The following LPP variants were observed in gnomAD, a reference collection of about 807,000 sequenced individuals.
LPP encodes the protein lipoma-preferred partner.
A neutral mutation model predicts 60.4 loss-of-function variants in LPP; 38 were observed. The ratio of observed to expected loss-of-function variants is 0.63; its 90% CI spans 0.49 to 0.83. LPP has a LOEUF of 0.83. LPP is among the 40% of genes least tolerant of loss of function. The probability of loss-of-function intolerance (pLI) is 0.00; values close to 1 mark genes in which losing one functional copy is unlikely to be tolerated. For synonymous variants in LPP, 328 were observed against 290.8 expected (o/e 1.13, Z -1.30); for missense variants, 902 against 783.6 (o/e 1.15, Z -1.80).
In LPP at chr3:188,414,862, T is replaced by G. The variant is rs1785770240; in HGVS notation, c.193+8549T>G. ...GCCAAGCCATGATCCTGGGGATTCCTTCTCTGGTTGCCATAGACACGTTTT... is the reference window on the plus strand; with the variant it reads ...GCCAAGCCATGATCCTGGGGATTCCGTCTCTGGTTGCCATAGACACGTTTT... On this transcript the variant is annotated intron_variant, in intron 4 of 11. Transcript: ENST00000617246. Among the ~76,000 whole-genome samples, 4 of 152,284 alleles carry G rather than the reference T, an allele frequency of 2.6e-5. No homozygotes were observed. In the South Asian group the frequency reaches 8.3e-4, roughly 32 times the overall value.
chr3:188,538,627 T>C (rs1290225619), intron 6 of LPP, among the ~76,000 whole-genome samples: 1 of 152,220 alleles, frequency 6.6e-6, no homozygotes, highest in Non-Finnish European at 1.5e-5. Flanking sequence ...AATCTGTCAA[T>C]TCTTCAAAAT....
intron 7 of LPP, among the ~76,000 whole-genome samples, chr3:188,687,387 C>T (rs1861014077): frequency 1.3e-5 from 2 of 152,138 alleles, no homozygotes; most frequent in Non-Finnish European, 2.9e-5. Context: ...GAATTGTGAT[C>T]CCCACATGTC....
intron 7 of LPP, among the ~76,000 whole-genome samples, chr3:188,613,197 G>C (rs1408736479): frequency 6.7e-6 from 1 of 148,794 alleles, no homozygotes; most frequent in African/African-American, 2.4e-5. Context: ...GCTAATGTCA[G>C]CTACATCTTG....
chr3:188,804,732 T>C (rs1748554914), intron 9 of LPP, among the ~76,000 whole-genome samples: 2 of 152,098 alleles, frequency 1.3e-5, no homozygotes, highest in Admixed American at 6.5e-5. Flanking sequence ...TTCAGTTAGT[T>C]GTTGAATGGA....
intron 2 of LPP, among the ~76,000 whole-genome samples, chr3:188,328,835 T>G (rs953229213): frequency 6.6e-6 from 1 of 152,228 alleles, no homozygotes; most frequent in African/African-American, 2.4e-5. Flanking sequence ...TTTTATGTGA[T>G]CAGGTTTCTT....
chr3:188,518,569 T>C (rs943405818), intron 5 of LPP, among the ~76,000 whole-genome samples: 2 of 152,162 alleles, frequency 1.3e-5, no homozygotes, highest in African/African-American at 2.4e-5. Flanking sequence ...TGAAGCACAG[T>C]TGAAAAAAAT....
At chr3:188,625,352 G>A (rs1287192916) in intron 7 of LPP, among the ~76,000 whole-genome samples, 2 of 152,080 alleles carry the variant, frequency 1.3e-5, no homozygotes, top group African/African-American at 4.8e-5. Context: ...AAAACCTCTG[G>A]TATTGGGATA....
intron 9 of LPP, among the ~76,000 whole-genome samples, chr3:188,765,859 C>CTTTTTTTTTTTTTTTTTTTTT (rs1491383044): frequency 1.0e-5 from 1 of 96,070 alleles, no homozygotes; most frequent in African/African-American, 4.0e-5. Context: ...TAATGTTCAA[C>CTTTTTTTTTTTTTTTTTTTTT]TCTTTTTTTT....
At chr3:188,694,648 G>A (rs115267047) in intron 7 of LPP, among the ~76,000 whole-genome samples, 1,635 of 151,470 alleles carry the variant, frequency 0.011, 29 homozygotes, top group African/African-American at 0.038. Flanking sequence ...GTTGCGGTGA[G>A]CCGAGATGTT....
Position 188,866,153 on chromosome 3 carries a change from G to A in LPP, c.1411-47G>A, listed in dbSNP as rs749145851. The A allele has an allele frequency of 1.1e-5, 15 of 1,398,012 alleles. No individual in the cohort carries two copies. The East Asian group carries it at 4.0e-4, about 37-fold the overall frequency. The allele number at this position is 1,398,012 out of a possible 1,614,324, so 86.6% of individuals were successfully genotyped here. ...GTAAAGATGCCTGTCATGCAGTATG[G>A]ACCCCCTTCTGTCCCAGTCTGACGT... On this transcript the variant is annotated intron_variant, in intron 9 of 11. Coordinates refer to ENST00000617246, the MANE Select transcript of LPP (RefSeq NM_001375462.1).
intron 9 of LPP, among the ~76,000 whole-genome samples, chr3:188,795,399 T>C (rs1745036097): frequency 6.6e-6 from 1 of 152,180 alleles, no homozygotes; most frequent in Non-Finnish European, 1.5e-5. Flanking sequence ...AGAGACTCTG[T>C]CTTATTCCAT....
chr3:188,617,558 C>G (rs1441587131), intron 7 of LPP, among the ~76,000 whole-genome samples: 1 of 152,178 alleles, frequency 6.6e-6, no homozygotes, highest in Non-Finnish European at 1.5e-5. Flanking sequence ...TGTGAAAACA[C>G]TCGTTCATGG....
rs138219646 is a variant in LPP, at chr3:188,576,839, G to A, written c.430-32322G>A. On this transcript the variant is annotated intron_variant, in intron 6 of 11. Transcript: ENST00000617246. ...ATTTCCAGAAGTCACAGTTCAAAAC[G>A]ATGAAGAGAATTACACATTTTCAGA... Among the ~76,000 whole-genome samples, 88 of 152,280 alleles carry A rather than the reference G, an allele frequency of 5.8e-4. 1 individual carries two copies. The East Asian group carries it at 0.016, about 28-fold the overall frequency.
chr3:188,328,014 G>T (rs764289160), intron 2 of LPP, among the ~76,000 whole-genome samples: 1 of 152,122 alleles, frequency 6.6e-6, no homozygotes, highest in Non-Finnish European at 1.5e-5. Context: ...CATTTAATTT[G>T]TTGTGAAATA....
intron 1 of LPP, among the ~76,000 whole-genome samples, chr3:188,170,295 T>C (rs1219612286): frequency 1.3e-5 from 2 of 151,928 alleles, no homozygotes; most frequent in African/African-American, 4.8e-5. Context: ...ATCACTCTTA[T>C]GAGAGGGAGT....
chr3:188,330,273 G>A (rs1759645745), intron 2 of LPP, among the ~76,000 whole-genome samples: 1 of 152,192 alleles, frequency 6.6e-6, no homozygotes, highest in Non-Finnish European at 1.5e-5. Context: ...ACTTTTTGGG[G>A]AGCTAAGGTT....
intron 1 of LPP, among the ~76,000 whole-genome samples, chr3:188,199,518 C>CTGA (rs1577242273): frequency 6.6e-6 from 1 of 152,088 alleles, no homozygotes; most frequent in African/African-American, 2.4e-5. Context: ...CTGTATGGTG[C>CTGA]TGAGTATTCA....
At chr3:188,477,132 C>T (rs1263455277) in intron 4 of LPP, among the ~76,000 whole-genome samples, 4 of 152,220 alleles carry the variant, frequency 2.6e-5, no homozygotes, top group Non-Finnish European at 4.4e-5. Context: ...ATCTTCCTCA[C>T]ACCACTGTAT....
At chr3:188,567,473 T>A (rs1345066114) in intron 6 of LPP, among the ~76,000 whole-genome samples, 1 of 151,890 alleles carries the variant, frequency 6.6e-6, no homozygotes, top group Admixed American at 6.6e-5. Context: ...ACCTGTTGGT[T>A]CTTTGTTAGT....
Sources: allele counts gnomAD v4.1 joint callset (sites outside exome capture counted in the v4.1 genomes callset), GRCh38; gene constraint gnomAD v4.1.1; transcripts MANE v1.5; gene names NCBI Gene and HGNC (gene_info 2026-07-23, HGNC 2026-07-21).